Variants in HSD17B11 observed in about 807,000 individuals in gnomAD.
HSD17B11 encodes hydroxysteroid 17-beta dehydrogenase 11.
Under a neutral mutation model 27.8 loss-of-function variants are expected in HSD17B11, and 22 were observed. The ratio of observed to expected loss-of-function variants is 0.79; its 90% confidence interval spans 0.56 to 1.13. HSD17B11 has a LOEUF of 1.13. HSD17B11 is among the 50% of genes most tolerant of loss of function. The pLI is 0.00. For synonymous variants in HSD17B11, 117 were observed against 132.8 expected, an observed-to-expected ratio of 0.88 and a Z score of 0.82; for missense variants, 314 against 351.1, an observed-to-expected ratio of 0.89 and a Z score of 0.84.
At chr4:87,353,166 C>A (rs1735318432) in intron 5 of HSD17B11, among the ~76,000 whole-genome samples, 2 of 148,244 alleles carry the variant, frequency 1.3e-5, no homozygotes, top group Admixed American at 1.3e-4. Flanking sequence ...GGATTTTTAA[C>A]AGCAAATCAG....
chr4:87,360,427 G>C (rs958404595), intron 4 of HSD17B11, among the ~76,000 whole-genome samples: 7 of 152,310 alleles, frequency 4.6e-5, no homozygotes, highest in Admixed American at 3.9e-4. Context: ...GATAGTCCCT[G>C]GAGTGCAGTT....
chr4:87,385,850 G>C (rs1020834541), intron 1 of HSD17B11: 2 of 151,504 alleles, frequency 1.3e-5, no homozygotes, highest in African/African-American at 4.9e-5. Flanking sequence ...GGGAGGCAGA[G>C]GTTGCAGCAA....
intron 4 of HSD17B11, among the ~76,000 whole-genome samples, chr4:87,361,660 G>A (rs751120187): frequency 2.6e-4 from 40 of 152,162 alleles, no homozygotes; most frequent in Non-Finnish European, 4.9e-4. Context: ...CCAGCTACTA[G>A]GGAGGCTGAG....
At chr4:87,356,562 TGA>T (rs1343815548) in intron 5 of HSD17B11, among the ~76,000 whole-genome samples, 2 of 152,180 alleles carry the variant, frequency 1.3e-5, no homozygotes, top group Non-Finnish European at 2.9e-5. Context: ...ATCAAAATTT[TGA>T]GAGTGGTTTC....
chr4:87,340,628 A>G, intron 5 of HSD17B11, 22 bp from the exon 6 acceptor site: 2 of 1,518,882 alleles, frequency 1.3e-6, no homozygotes, highest in South Asian at 2.3e-5. Flanking sequence ...GTCAGTCTTC[A>G]GAAACAAAAT....
intron 1 of HSD17B11, among the ~76,000 whole-genome samples, chr4:87,386,169 G>A (rs1442262127): frequency 6.6e-6 from 1 of 150,788 alleles, no homozygotes; most frequent in Non-Finnish European, 1.5e-5. Flanking sequence ...CCTCATTTAG[G>A]TTGGTCTGCT....
chr4:87,340,077 A>G (rs981772858), intron 6 of HSD17B11, among the ~76,000 whole-genome samples: 1 of 148,966 alleles, frequency 6.7e-6, no homozygotes, highest in African/African-American at 2.4e-5. Context: ...TTAGCAATTC[A>G]TATACTTCAG....
chr4:87,377,833 G>A (rs1480122792), intron 2 of HSD17B11, among the ~76,000 whole-genome samples: 1 of 152,130 alleles, frequency 6.6e-6, no homozygotes, highest in Non-Finnish European at 1.5e-5. Context: ...GTGGCAAATA[G>A]CCTATGAGGG....
rs1472001003 is a variant in HSD17B11, at chr4:87,342,065, AT to A, written c.696-1460del. 2.6e-5 allele frequency among the ~76,000 whole-genome samples: 4 copies of A among 152,172 alleles called. No individual in the cohort carries two copies. In the East Asian group the frequency reaches 5.8e-4, roughly 22 times the overall value. ...GGTGGCTAACATTTTGGGGAGGCTT[AT>A]TTTTAATGTGTGTGTCTAGTTAAAA... On this transcript the variant is annotated intron_variant, in intron 5 of 6. Transcript: ENST00000358290.
intron 1 of HSD17B11, among the ~76,000 whole-genome samples, chr4:87,383,698 T>TG (rs1720230457): frequency 6.6e-6 from 1 of 151,860 alleles, no homozygotes; most frequent in East Asian, 1.9e-4. Context: ...ATTGGGGTTT[T>TG]TTGTTGTTGT....
chr4:87,370,793 C>T (rs1189181805), intron 4 of HSD17B11, among the ~76,000 whole-genome samples: 1 of 96,588 alleles, frequency 1.0e-5, no homozygotes, highest in East Asian at 2.3e-4. Context: ...CGCTCTGTCG[C>T]CCAGGCTGGA....
At chr4:87,374,658 A>G in intron 3 of HSD17B11, 41 bp downstream of exon 3, 1 of 1,571,924 alleles carries the variant, frequency 6.4e-7, no homozygotes, top group Non-Finnish European at 8.6e-7. Context: ...AATCTTTGGG[A>G]TTTTCAAAAG....
intron 1 of HSD17B11, among the ~76,000 whole-genome samples, chr4:87,390,186 A>C (rs1199064968): frequency 6.6e-6 from 1 of 152,108 alleles, no homozygotes; most frequent in Non-Finnish European, 1.5e-5. Flanking sequence ...GACGGAGTCT[A>C]GCTCTGTCGC....
intron 5 of HSD17B11, among the ~76,000 whole-genome samples, chr4:87,343,911 C>T (rs544218377): frequency 2.6e-5 from 4 of 152,230 alleles, no homozygotes; most frequent in Non-Finnish European, 5.9e-5. Context: ...AAGGATAGTG[C>T]AGTGGTGCAG....
intron 1 of HSD17B11, among the ~76,000 whole-genome samples, chr4:87,387,652 T>G (rs544669798): frequency 6.6e-6 from 1 of 152,306 alleles, no homozygotes; most frequent in South Asian, 2.1e-4. Flanking sequence ...TTGCCAAACT[T>G]TTGGCCAAAT....
intron 4 of HSD17B11, among the ~76,000 whole-genome samples, chr4:87,370,292 T>C (rs1162823325): frequency 6.6e-6 from 1 of 152,200 alleles, no homozygotes; most frequent in East Asian, 1.9e-4. Context: ...GAAGTGGAAT[T>C]GAAATGTAAT....
At chr4:87,378,713 C>T (rs1419360023) in intron 2 of HSD17B11, among the ~76,000 whole-genome samples, 2 of 141,352 alleles carry the variant, frequency 1.4e-5, no homozygotes, top group Non-Finnish European at 3.0e-5. Context: ...TCCTTCTACT[C>T]TCTATCTCCA....
chr4:87,357,949 ATTTTTT>A (rs57139706), intron 4 of HSD17B11, among the ~76,000 whole-genome samples: 1,593 of 79,984 alleles, frequency 0.02, 17 homozygotes, highest in Non-Finnish European at 0.029. Context: ...CATTAGAGAA[ATTTTTT>A]TTTTTTTTTT....
intron 6 of HSD17B11, among the ~76,000 whole-genome samples, chr4:87,338,791 C>A (rs1025371676): frequency 2.6e-5 from 4 of 152,216 alleles, no homozygotes; most frequent in African/African-American, 9.7e-5. Flanking sequence ...CCTGCCTCAG[C>A]CTCTCAAAGT....
Sources: gnomAD v4.1 joint callset for allele counts (sites outside exome capture counted in the v4.1 genomes callset) on GRCh38, gnomAD v4.1.1 for gene constraint, MANE v1.5 for transcripts, NCBI Gene and HGNC (gene_info 2026-07-23, HGNC 2026-07-21) for gene names.